LRRC4C: variants seen among roughly 807,000 people sequenced by gnomAD.
The protein encoded by LRRC4C is leucine-rich repeat-containing protein 4C.
In LRRC4C, 5 loss-of-function variants were observed where a neutral mutation model predicts 33.6. The ratio of observed to expected loss-of-function variants is 0.15; its 90% confidence interval spans 0.08 to 0.31. The LOEUF (loss-of-function observed/expected upper bound fraction) is 0.31, where lower values mean the gene tolerates loss of function less well. Among genes scored for constraint, LRRC4C ranks in the 10% least tolerant of loss-of-function variants. The probability of loss-of-function intolerance (pLI) is 1.00; values close to 1 mark genes in which losing one functional copy is unlikely to be tolerated. For missense variants in LRRC4C, 560 were observed against 796.7 expected, an observed-to-expected ratio of 0.70 and a Z score of 3.58; for synonymous variants, 329 against 302.0, an observed-to-expected ratio of 1.09 and a Z score of -0.93.
At chr11:40,200,811 T>C (rs1862688233) in intron 5 of LRRC4C, among the ~76,000 whole-genome samples, 1 of 110,540 alleles carries the variant, frequency 9.0e-6, no homozygotes, top group Non-Finnish European at 2.0e-5. Context: ...AAAAAAATTC[T>C]AGTTTTTCAA....
chr11:40,200,938 C>T (rs1170098219), intron 5 of LRRC4C, among the ~76,000 whole-genome samples: 1 of 152,114 alleles, frequency 6.6e-6, no homozygotes, highest in South Asian at 2.1e-4. Context: ...CTTGGCTCTT[C>T]CACCAAACCA....
intron 3 of LRRC4C, among the ~76,000 whole-genome samples, chr11:40,435,128 G>A (rs772104122): frequency 2.0e-5 from 3 of 152,124 alleles, no homozygotes; most frequent in East Asian, 1.9e-4. Flanking sequence ...ACCATATGTT[G>A]CAACAAAATG....
chr11:41,177,365 T>C (rs1945250998), intron 1 of LRRC4C, among the ~76,000 whole-genome samples: 1 of 152,158 alleles, frequency 6.6e-6, no homozygotes, highest in Admixed American at 6.5e-5. Flanking sequence ...AATGGAGATA[T>C]TGCTTTTCCT....
At chr11:40,924,790 G>A (rs558270376) in intron 2 of LRRC4C, among the ~76,000 whole-genome samples, 1 of 152,008 alleles carries the variant, frequency 6.6e-6, no homozygotes, top group Non-Finnish European at 1.5e-5. Context: ...TCAATAAAAA[G>A]TATTTTAAAA....
At chr11:40,606,171 A>T (rs778303885) in intron 3 of LRRC4C, among the ~76,000 whole-genome samples, 1 of 152,228 alleles carries the variant, frequency 6.6e-6, no homozygotes, top group Non-Finnish European at 1.5e-5. Context: ...GCCTTGAAGC[A>T]CTAATGAAGC....
intron 2 of LRRC4C, among the ~76,000 whole-genome samples, chr11:40,851,431 C>A (rs949634353): frequency 6.6e-6 from 1 of 152,026 alleles, no homozygotes; most frequent in African/African-American, 2.4e-5. Flanking sequence ...AGGCAATGCC[C>A]CACCCTGCTT....
At chr11:40,744,331 T>C (rs2136930447) in intron 2 of LRRC4C, among the ~76,000 whole-genome samples, 1 of 152,294 alleles carries the variant, frequency 6.6e-6, no homozygotes, top group East Asian at 1.9e-4. Flanking sequence ...TGGTGACATC[T>C]GAAAAGATTA....
intron 1 of LRRC4C, among the ~76,000 whole-genome samples, chr11:41,229,449 C>G (rs1403986070): frequency 2.0e-5 from 3 of 152,048 alleles, no homozygotes; most frequent in Non-Finnish European, 2.9e-5. Context: ...ATTTCAGGAG[C>G]CCCAGTCTAT....
intron 2 of LRRC4C, among the ~76,000 whole-genome samples, chr11:40,766,542 T>C (rs906424630): frequency 6.6e-6 from 1 of 151,660 alleles, no homozygotes; most frequent in East Asian, 1.9e-4. Context: ...AAAATAACTA[T>C]ACAACTTTTT....
At chr11:40,116,654 C>T (rs965035832) in intron 6 of LRRC4C, among the ~76,000 whole-genome samples, 35 of 152,138 alleles carry the variant, frequency 2.3e-4, no homozygotes, top group Non-Finnish European at 2.1e-4. Context: ...CTACCATTAG[C>T]TTCAATGTCC....
Position 40,529,288 on chromosome 11 carries a change from A to C in LRRC4C, c.-270+118854T>G, listed in dbSNP as rs187190591. Among the ~76,000 whole-genome samples, 41 of 152,270 alleles carry C rather than the reference A, an allele frequency of 2.7e-4. No homozygotes were observed. In the East Asian group the frequency reaches 7.9e-3, roughly 29 times the overall value. The stretch of plus-strand genomic sequence containing the variant: ...CGTCCAAACTCATCAAGTTGTATAA[A>C]TTAAATAAGTGAAGTTGATTGTATA... On this transcript the variant is annotated intron_variant, in intron 3 of 6. Transcript: ENST00000528697.
At chr11:41,091,458 G>A (rs1011929857) in intron 1 of LRRC4C, among the ~76,000 whole-genome samples, 6 of 151,772 alleles carry the variant, frequency 4.0e-5, no homozygotes, top group Admixed American at 3.3e-4. Flanking sequence ...GACAAAACTC[G>A]AAATCAGGAA....
chr11:40,559,633 C>A (rs1205925761), intron 3 of LRRC4C, among the ~76,000 whole-genome samples: 1 of 152,150 alleles, frequency 6.6e-6, no homozygotes, highest in Admixed American at 6.5e-5. Flanking sequence ...ACACTAGAAC[C>A]AACAGTGTGT....
intron 1 of LRRC4C, among the ~76,000 whole-genome samples, chr11:41,072,255 GA>G (rs1192939993): frequency 6.6e-6 from 1 of 152,008 alleles, no homozygotes; most frequent in Non-Finnish European, 1.5e-5. Flanking sequence ...TTTCTTGAAA[GA>G]AAAAATTAAT....
At chr11:40,886,830 C>T (rs1955482381) in intron 2 of LRRC4C, among the ~76,000 whole-genome samples, 2 of 151,636 alleles carry the variant, frequency 1.3e-5, no homozygotes, top group South Asian at 4.1e-4. Context: ...TCCACTGACC[C>T]TCCCCTTCAA....
At chr11:40,373,841 C>T (rs997889278) in intron 3 of LRRC4C, among the ~76,000 whole-genome samples, 3 of 152,154 alleles carry the variant, frequency 2.0e-5, no homozygotes, top group Admixed American at 2.0e-4. Context: ...TAAAGCTCCC[C>T]CAGTCCTCAT....
chr11:40,983,753 C>T (rs1423746364), intron 1 of LRRC4C, among the ~76,000 whole-genome samples: 1 of 152,130 alleles, frequency 6.6e-6, no homozygotes, highest in Non-Finnish European at 1.5e-5. Context: ...AGCCCAACAT[C>T]CCTGATCATT....
intron 3 of LRRC4C, among the ~76,000 whole-genome samples, chr11:40,448,142 A>G (rs528031989): frequency 6.6e-5 from 10 of 152,250 alleles, no homozygotes; most frequent in Admixed American, 3.3e-4. Context: ...CTAAGCTATT[A>G]CCATTGCAGT....
At chr11:40,429,585 A>G (rs1490016362) in intron 3 of LRRC4C, among the ~76,000 whole-genome samples, 1 of 151,974 alleles carries the variant, frequency 6.6e-6, no homozygotes. Context: ...AAAACAAAAC[A>G]AAACATGTAA....
Sources: allele counts gnomAD v4.1 joint callset (sites outside exome capture counted in the v4.1 genomes callset), GRCh38; gene constraint gnomAD v4.1.1; transcripts MANE v1.5; gene names NCBI Gene and HGNC (gene_info 2026-07-23, HGNC 2026-07-21).